CDH4: variants seen among roughly 807,000 people sequenced by gnomAD.
The protein encoded by CDH4 is cadherin 4, also known as cadherin-4.
Under a neutral mutation model 86.0 loss-of-function variants are expected in CDH4, and 33 were observed. The observed-to-expected ratio is 0.38, with a 90% CI of 0.29 to 0.51. The LOEUF (loss-of-function observed/expected upper bound fraction) is 0.51, where lower values mean the gene tolerates loss of function less well. Ranked by LOEUF, CDH4 falls within the 20% of genes least tolerant of loss-of-function variation. The pLI is 0.86. For synonymous variants in CDH4, 555 were observed against 549.4 expected, an observed-to-expected ratio of 1.01 and a Z score of -0.14; for missense variants, 1,114 against 1,307.4, an observed-to-expected ratio of 0.85 and a Z score of 2.28.
chr20:61,923,453 A>C lies in CDH4; in HGVS notation c.1377A>C (p.Ala459=). The change falls in exon 10 of 16, where the codon GCA becomes GCC. Residue 459 remains alanine, a splice_region_variant and synonymous_variant. Coordinates refer to ENST00000614565, the MANE Select transcript of CDH4 (RefSeq NM_001794.5). ...TNEGMVTVVK[A]VDYELNRAFM... is the part of the protein sequence containing the mutation. ...CCAGCCCTGATCTGTTGTTCCAGGC[A>C]GTCGACTACGAGCTCAACAGAGCTT... 1.2e-6 allele frequency: 2 copies of C among 1,614,044 alleles called. No homozygotes were observed. Among genetic ancestry groups the C allele is most frequent in the Middle Eastern group, 3.3e-4 (2 of 6,062 alleles).
intron 2 of CDH4, among the ~76,000 whole-genome samples, chr20:61,308,603 T>C (rs1272125438): frequency 6.6e-6 from 1 of 152,212 alleles, no homozygotes; most frequent in African/African-American, 2.4e-5. Context: ...CTGGGAGTGA[T>C]GGGAAATGAG....
At chr20:61,791,075 G>A (rs1053422241) in intron 4 of CDH4, among the ~76,000 whole-genome samples, 3 of 139,690 alleles carry the variant, frequency 2.1e-5, no homozygotes, top group African/African-American at 4.9e-5. Context: ...GTTTCAAAAC[G>A]CTTAAGGCCT....
At chr20:61,532,940 C>T (rs749953203) in intron 2 of CDH4, among the ~76,000 whole-genome samples, 1 of 152,122 alleles carries the variant, frequency 6.6e-6, no homozygotes, top group African/African-American at 2.4e-5. Context: ...AGGTACGGGC[C>T]GGGGCTGGGC....
chr20:61,693,707 G>A (rs1239439024), intron 2 of CDH4, among the ~76,000 whole-genome samples: 2 of 152,146 alleles, frequency 1.3e-5, no homozygotes, highest in Non-Finnish European at 2.9e-5. Context: ...ATCCACCTGG[G>A]CATCCCCAGC....
chr20:61,750,524 G>A (rs1327687552), intron 3 of CDH4, among the ~76,000 whole-genome samples: 1 of 152,170 alleles, frequency 6.6e-6, no homozygotes, highest in Non-Finnish European at 1.5e-5. Context: ...TTCTACCCAA[G>A]CTGTCAGGAA....
chr20:61,859,722 G>C (rs576452008), intron 6 of CDH4, among the ~76,000 whole-genome samples: 2 of 152,274 alleles, frequency 1.3e-5, no homozygotes, highest in Non-Finnish European at 2.9e-5. Context: ...GTGTGGGTCT[G>C]TTCCTAGGTT....
intron 2 of CDH4, among the ~76,000 whole-genome samples, chr20:61,326,142 T>G (rs1386276544): frequency 1.3e-5 from 2 of 152,180 alleles, no homozygotes; most frequent in Admixed American, 1.3e-4. Context: ...CAGGTCCAAG[T>G]TTTTCTCATG....
intron 2 of CDH4, among the ~76,000 whole-genome samples, chr20:61,636,741 T>C (rs182927305): frequency 2.0e-5 from 3 of 152,314 alleles, no homozygotes; most frequent in Admixed American, 1.3e-4. Flanking sequence ...TGCCCCAGAC[T>C]CCTGAGTCGC....
chr20:61,823,358 T>C (rs1981154095), intron 4 of CDH4, among the ~76,000 whole-genome samples: 1 of 1,734 alleles, frequency 5.8e-4, no homozygotes, highest in Non-Finnish European at 1.0e-3. Context: ...TTGGTGGTGA[T>C]TACAGTGATG....
chr20:61,454,888 C>A (rs6062157), intron 2 of CDH4, among the ~76,000 whole-genome samples: 18,250 of 152,052 alleles, frequency 0.12, 1,428 homozygotes, highest in Non-Finnish European at 0.16. Flanking sequence ...GGGTGGGTTC[C>A]GTGACCAGGG....
intron 2 of CDH4, among the ~76,000 whole-genome samples, chr20:61,630,796 GA>G (rs2086879787): frequency 6.6e-6 from 1 of 152,218 alleles, no homozygotes; most frequent in South Asian, 2.1e-4. Context: ...GAAATAGGTA[GA>G]AAACAGGGTT....
chr20:61,930,668 G>A (rs1174071316), intron 13 of CDH4, among the ~76,000 whole-genome samples: 1 of 152,248 alleles, frequency 6.6e-6, no homozygotes, highest in Non-Finnish European at 1.5e-5. Context: ...GGATGTCTGA[G>A]TTATGAGGAC....
In CDH4 at chr20:61,895,147, G is replaced by A. The variant is rs1568872572; in HGVS notation, c.1188+100G>A. The A allele has an allele frequency of 5.1e-5, 72 of 1,417,268 alleles. No individual in the cohort carries two copies. The South Asian group carries it at 8.2e-4, about 16-fold the overall frequency. 87.8% of individuals were successfully genotyped at this position (1,417,268 alleles called of 1,614,324 possible). Reference sequence around the variant, plus strand: ...CTCTCTCTCTGCGGCTCTGCCTGACGGGCACTTGGCAGATAGCGTGTAAGA... The same window carrying A: ...CTCTCTCTCTGCGGCTCTGCCTGACAGGCACTTGGCAGATAGCGTGTAAGA... On this transcript the variant is annotated intron_variant, in intron 8 of 15. Coordinates refer to ENST00000614565, the MANE Select transcript of CDH4 (RefSeq NM_001794.5).
chr20:61,311,729 A>G (rs1332820530), intron 2 of CDH4, among the ~76,000 whole-genome samples: 1 of 152,252 alleles, frequency 6.6e-6, no homozygotes, highest in African/African-American at 2.4e-5. Context: ...TGAAAAAAAA[A>G]TTGACGAACT....
intron 2 of CDH4, among the ~76,000 whole-genome samples, chr20:61,575,293 TGAG>T (rs753859053): frequency 1.3e-5 from 2 of 152,126 alleles, no homozygotes; most frequent in Non-Finnish European, 2.9e-5. Flanking sequence ...AAGTTTAAGT[TGAG>T]GAGAAAGGAG....
chr20:61,640,283 G>A (rs369058766), intron 2 of CDH4, among the ~76,000 whole-genome samples: 8 of 152,226 alleles, frequency 5.3e-5, no homozygotes, highest in African/African-American at 1.9e-4. Context: ...CAGCAGCAAC[G>A]TCACGTGCCT....
At chr20:61,884,541 G>A (rs958768422) in intron 7 of CDH4, among the ~76,000 whole-genome samples, 1 of 152,112 alleles carries the variant, frequency 6.6e-6, no homozygotes, top group Non-Finnish European at 1.5e-5. Flanking sequence ...GTGCCCCTGA[G>A]CAGGGGTGAT....
intron 2 of CDH4, among the ~76,000 whole-genome samples, chr20:61,332,539 C>T (rs754324876): frequency 4.0e-4 from 61 of 152,342 alleles, no homozygotes; most frequent in Non-Finnish European, 4.4e-4. Context: ...CTGCCACTGC[C>T]GCCTCTGTGC....
At chr20:61,328,454 C>T (rs530850810) in intron 2 of CDH4, among the ~76,000 whole-genome samples, 30 of 152,298 alleles carry the variant, frequency 2.0e-4, no homozygotes, top group East Asian at 7.8e-4. Context: ...GGATTACAGG[C>T]GTGAGCCACC....
Sources: allele counts gnomAD v4.1 joint callset (sites outside exome capture counted in the v4.1 genomes callset), GRCh38; gene constraint gnomAD v4.1.1; transcripts MANE v1.5; gene names NCBI Gene and HGNC (gene_info 2026-07-23, HGNC 2026-07-21).